Variants in TSC22D1 observed in about 807,000 individuals in gnomAD.
The protein encoded by TSC22D1 is TSC22 domain family protein 1.
TSC22D1 carries 9 observed loss-of-function variants against 74.2 expected under a neutral mutation model. The observed-to-expected ratio is 0.12, with a 90% confidence interval of 0.07 to 0.21. The LOEUF (loss-of-function observed/expected upper bound fraction) is 0.21. Among genes scored for constraint, TSC22D1 ranks in the 10% least tolerant of loss-of-function variants. The pLI is 1.00. For missense variants in TSC22D1, 1,427 were observed against 1,304.7 expected (o/e 1.09, Z -1.44); for synonymous variants, 586 against 492.5 (o/e 1.19, Z -2.51).
At position 44,434,245 on chromosome 13, in the gene TSC22D1, A is replaced by C; in HGVS notation, c.*381T>G. The C allele has an allele frequency of 7.1e-7, 1 of 1,413,910 alleles. No homozygotes were observed. The highest frequency in any genetic ancestry group is 9.1e-7 in the Non-Finnish European group (1 of 1,097,430). 87.6% of individuals were successfully genotyped at this position (1,413,910 alleles called of 1,614,324 possible). ...GTCCAGTGAGGAGCTCCATCGCTTC[A>C]CAACCCCATGTAGGACACTAAGCGC... On this transcript the variant is annotated 3_prime_UTR_variant, in exon 3 of 3. Coordinates refer to ENST00000458659, the MANE Select transcript of TSC22D1 (RefSeq NM_183422.4).
intron 1 of TSC22D1, among the ~76,000 whole-genome samples, chr13:44,551,389 GGTGTGTGTGTGTGTGTGTGTGT>G (rs376368576): frequency 1.6e-5 from 2 of 125,252 alleles, no homozygotes; most frequent in East Asian, 2.4e-4. Context: ...CAATCAGATG[GGTGTGTGTGTGTGTGTGTGTGT>G]GTGTGTGTGT....
At chr13:44,462,722 T>A (rs1050722861) in intron 1 of TSC22D1, among the ~76,000 whole-genome samples, 1 of 152,158 alleles carries the variant, frequency 6.6e-6, no homozygotes, top group Non-Finnish European at 1.5e-5. Context: ...GTAGTTGATA[T>A]AGGCTCTATT....
At chr13:44,568,808 G>C (rs1001702608) in intron 1 of TSC22D1, among the ~76,000 whole-genome samples, 3 of 152,170 alleles carry the variant, frequency 2.0e-5, no homozygotes, top group Non-Finnish European at 4.4e-5. Context: ...AAAACAGACA[G>C]CGCTGACAGA....
intron 1 of TSC22D1, among the ~76,000 whole-genome samples, chr13:44,521,379 C>CT (rs989525613): frequency 7.2e-5 from 11 of 151,912 alleles, no homozygotes; most frequent in East Asian, 1.9e-4. Flanking sequence ...CCCCTTCCCC[C>CT]TTTTTTTTAA....
At chr13:44,494,292 C>T (rs916575672) in intron 1 of TSC22D1, among the ~76,000 whole-genome samples, 7 of 140,972 alleles carry the variant, frequency 5.0e-5, no homozygotes, top group Non-Finnish European at 9.1e-5. Flanking sequence ...AGGAGAATCG[C>T]TTGAACCCAA....
intron 1 of TSC22D1, among the ~76,000 whole-genome samples, chr13:44,491,485 C>T (rs1878717512): frequency 6.7e-6 from 1 of 148,880 alleles, no homozygotes; most frequent in Non-Finnish European, 1.5e-5. Context: ...ACCCGGCAGG[C>T]GGCGCTTGCA....
At chr13:44,526,785 G>A (rs1188117359) in intron 1 of TSC22D1, among the ~76,000 whole-genome samples, 2 of 152,164 alleles carry the variant, frequency 1.3e-5, no homozygotes, top group African/African-American at 4.8e-5. Flanking sequence ...AAGAAAAAAT[G>A]GCTGAAAACT....
chr13:44,461,633 C>T (rs148931032), intron 1 of TSC22D1, among the ~76,000 whole-genome samples: 323 of 152,248 alleles, frequency 2.1e-3, no homozygotes, highest in African/African-American at 7.5e-3. Context: ...TAAGTCAAAG[C>T]ATCGTTATGG....
chr13:44,478,556 G>A (rs934465576), intron 1 of TSC22D1, among the ~76,000 whole-genome samples: 6 of 152,026 alleles, frequency 3.9e-5, no homozygotes, highest in Non-Finnish European at 8.8e-5. Flanking sequence ...ATCTGGGGGG[G>A]AAGGGTAAAA....
At chr13:44,570,836 G>A (rs1292072827) in intron 1 of TSC22D1, among the ~76,000 whole-genome samples, 2 of 152,110 alleles carry the variant, frequency 1.3e-5, no homozygotes, top group East Asian at 3.8e-4. Flanking sequence ...TTAAAAGTTT[G>A]TTTTTTAATC....
rs1883929195 is a variant in TSC22D1, at chr13:44,573,524, A to C, written c.2551T>G (p.Leu851Val). The C allele has an allele frequency of 1.1e-5, 18 of 1,614,218 alleles. No homozygotes were observed. The highest frequency in any genetic ancestry group is 1.4e-5 in the Non-Finnish European group (16 of 1,180,040). The change falls in exon 1 of 3, where the codon TTG becomes GTG. Residue 851 changes from leucine to valine, a missense_variant. Leu to Val is a conservative substitution (Grantham distance 32). This residue lies in a region of TSC22D1 where 1,343 missense variants were observed against 1,191.5 expected (regional missense o/e 1.13). Transcript: ENST00000458659. The part of the protein sequence containing the change: ...PSGMPSAPTN[L>V]VPPQNIAQTP... The stretch of plus-strand genomic sequence containing the variant: ...TGTGCTATATTTTGTGGTGGAACCA[A>C]GTTTGTTGGGGCAGAAGGCATTCCA...
At chr13:44,445,953 T>C (rs888087684) in intron 1 of TSC22D1, among the ~76,000 whole-genome samples, 58 of 152,290 alleles carry the variant, frequency 3.8e-4, no homozygotes, top group African/African-American at 1.3e-3. Flanking sequence ...TACAACCACT[T>C]TGCAGAACAG....
At chr13:44,500,136 G>A (rs907155662) in intron 1 of TSC22D1, among the ~76,000 whole-genome samples, 3 of 150,416 alleles carry the variant, frequency 2.0e-5, no homozygotes, top group Admixed American at 6.6e-5. Flanking sequence ...AAAAGCTCAC[G>A]GCTAACTTAC....
intron 1 of TSC22D1, among the ~76,000 whole-genome samples, chr13:44,446,879 T>A (rs200906139): frequency 1.1e-5 from 1 of 95,014 alleles, no homozygotes; most frequent in Non-Finnish European, 2.3e-5. Flanking sequence ...AAGAAACATA[T>A]TTTTAAATTT....
Position 44,575,579 on chromosome 13 carries a change from C to G in TSC22D1, c.496G>C (p.Gly166Arg), listed in dbSNP as rs770670779. ...TCTGAGGAGCTGCGTTCGGGCTCCC[C>G]TAAGTCAGTAGCCCTGGAAAGTGAC... ...DVSLSRATDL[G>R]EPERSSSEET... Residue 166 changes from glycine (G) to arginine (R), a missense_variant, in exon 1 of 3, where the codon GGG becomes CGG. Physicochemically the swap from Gly to Arg is moderately radical, Grantham distance 125. Transcript: ENST00000458659. The G allele has an allele frequency of 2.0e-5, 33 of 1,613,872 alleles. No homozygotes were observed. Among genetic ancestry groups the G allele is most frequent in the Non-Finnish European group, 2.7e-5 (32 of 1,180,018 alleles).
intron 1 of TSC22D1, among the ~76,000 whole-genome samples, chr13:44,549,427 A>C (rs1344543857): frequency 6.6e-6 from 1 of 152,138 alleles, no homozygotes; most frequent in Non-Finnish European, 1.5e-5. Context: ...AGCTTCCACC[A>C]ATCTCAGAAG....
intron 1 of TSC22D1, among the ~76,000 whole-genome samples, chr13:44,455,073 A>C (rs1442274058): frequency 6.6e-6 from 1 of 152,228 alleles, no homozygotes; most frequent in Non-Finnish European, 1.5e-5. Flanking sequence ...GAAAAAGTAA[A>C]CAAGACAAAT....
intron 1 of TSC22D1, among the ~76,000 whole-genome samples, chr13:44,513,399 T>C (rs1879829919): frequency 6.6e-6 from 1 of 152,236 alleles, no homozygotes; most frequent in African/African-American, 2.4e-5. Flanking sequence ...TGATCAATAC[T>C]ATACCAATTT....
At chr13:44,481,416 T>C (rs756014753) in intron 1 of TSC22D1, among the ~76,000 whole-genome samples, 2 of 152,012 alleles carry the variant, frequency 1.3e-5, no homozygotes, top group African/African-American at 4.8e-5. Flanking sequence ...TGGAAAAGAT[T>C]AAACAAGAGA....
Sources: gnomAD v4.1 joint callset for allele counts (sites outside exome capture counted in the v4.1 genomes callset) on GRCh38, gnomAD v4.1.1 for gene constraint, gnomAD v4.1.1 regional missense constraint, MANE v1.5 for transcripts, NCBI Gene and HGNC (gene_info 2026-07-23, HGNC 2026-07-21) for gene names.